Variants in MB21D2 observed in about 807,000 individuals in gnomAD.
MB21D2 encodes the protein Mab-21 domain containing 2, also known as nucleotidyltransferase MB21D2.
In MB21D2, 9 loss-of-function variants were observed where a neutral mutation model predicts 33.3. The observed-to-expected ratio is 0.27, with a 90% CI of 0.16 to 0.47. MB21D2 has a LOEUF of 0.47. Ranked by LOEUF, MB21D2 falls within the 20% of genes least tolerant of loss-of-function variation. MB21D2 has a pLI of 0.99. For synonymous variants in MB21D2, 241 were observed against 236.3 expected, an observed-to-expected ratio of 1.02 and a Z score of -0.18; for missense variants, 540 against 624.6, an observed-to-expected ratio of 0.86 and a Z score of 1.44.
intron 1 of MB21D2, among the ~76,000 whole-genome samples, chr3:192,887,431 C>T (rs868001551): frequency 1.3e-5 from 2 of 152,068 alleles, no homozygotes; most frequent in African/African-American, 2.4e-5. Context: ...AAAATGTGAA[C>T]GTACTTAACA....
chr3:192,814,316 A>T (rs1711859865), intron 1 of MB21D2, among the ~76,000 whole-genome samples: 1 of 152,062 alleles, frequency 6.6e-6, no homozygotes, highest in Non-Finnish European at 1.5e-5. Flanking sequence ...AAAAAAAAAT[A>T]CTGACAGGCT....
chr3:192,870,208 C>A (rs1382455332), intron 1 of MB21D2, among the ~76,000 whole-genome samples: 1 of 152,016 alleles, frequency 6.6e-6, no homozygotes, highest in African/African-American at 2.4e-5. Context: ...ATCCCTAACA[C>A]GGGTCAGGAA....
At chr3:192,901,624 G>A (rs896279468) in intron 1 of MB21D2, among the ~76,000 whole-genome samples, 2 of 152,028 alleles carry the variant, frequency 1.3e-5, no homozygotes, top group African/African-American at 4.8e-5. Context: ...ATATGCCCTC[G>A]GAAAGCAGGA....
intron 1 of MB21D2, among the ~76,000 whole-genome samples, chr3:192,833,559 C>CT (rs1396661169): frequency 1.3e-5 from 2 of 152,182 alleles, no homozygotes; most frequent in Non-Finnish European, 2.9e-5. Flanking sequence ...TAGGACCCTG[C>CT]TGTGAAAAGG....
At chr3:192,848,071 T>C (rs1048979773) in intron 1 of MB21D2, among the ~76,000 whole-genome samples, 19 of 152,218 alleles carry the variant, frequency 1.2e-4, no homozygotes, top group African/African-American at 4.6e-4. Context: ...TTCCATCTGG[T>C]CACATACCCG....
At chr3:192,812,860 T>C (rs1298920021) in intron 1 of MB21D2, among the ~76,000 whole-genome samples, 6 of 107,024 alleles carry the variant, frequency 5.6e-5, no homozygotes, top group Non-Finnish European at 1.2e-4. Context: ...AACCATGTAT[T>C]TTTTCCCTTG....
intron 1 of MB21D2, among the ~76,000 whole-genome samples, chr3:192,856,615 G>A (rs566195983): frequency 2.0e-5 from 3 of 152,122 alleles, no homozygotes; most frequent in African/African-American, 7.2e-5. Flanking sequence ...GTGCAGTGGT[G>A]CAATCTCAGC....
At chr3:192,836,072 G>A (rs1459192260) in intron 1 of MB21D2, among the ~76,000 whole-genome samples, 1 of 152,156 alleles carries the variant, frequency 6.6e-6, no homozygotes, top group East Asian at 1.9e-4. Flanking sequence ...CTGAGTGGAT[G>A]GAACTGGGTT....
chr3:192,879,986 G>A (rs1713524692), intron 1 of MB21D2, among the ~76,000 whole-genome samples: 1 of 152,022 alleles, frequency 6.6e-6, no homozygotes, highest in African/African-American at 2.4e-5. Flanking sequence ...CAGCTCCCAG[G>A]ACTACTCCAG....
chr3:192,840,793 T>C (rs547037145), intron 1 of MB21D2, among the ~76,000 whole-genome samples: 1 of 152,324 alleles, frequency 6.6e-6, no homozygotes, highest in South Asian at 2.1e-4. Context: ...GAGGTTTTAG[T>C]TGGTTAAGAC....
At chr3:192,834,582 C>T (rs1190788042) in intron 1 of MB21D2, among the ~76,000 whole-genome samples, 2 of 151,994 alleles carry the variant, frequency 1.3e-5, no homozygotes, top group Non-Finnish European at 2.9e-5. Flanking sequence ...TCCGACCTTC[C>T]TGAGGTTTCT....
chr3:192,853,348 G>C (rs1577184108), intron 1 of MB21D2, among the ~76,000 whole-genome samples: 2 of 152,148 alleles, frequency 1.3e-5, no homozygotes, highest in African/African-American at 4.8e-5. Flanking sequence ...GTGACAAATG[G>C]TTTTTCACAC....
At chr3:192,869,318 G>GACGGAAAA (rs1713239051) in intron 1 of MB21D2, among the ~76,000 whole-genome samples, 1 of 136,632 alleles carries the variant, frequency 7.3e-6, no homozygotes, top group East Asian at 2.3e-4. Flanking sequence ...AGGAGGGAAG[G>GACGGAAAA]AGGGAAAAAG....
chr3:192,884,660 C>A (rs1292447458), intron 1 of MB21D2, among the ~76,000 whole-genome samples: 2 of 152,036 alleles, frequency 1.3e-5, no homozygotes, highest in Non-Finnish European at 2.9e-5. Context: ...AGCCATCGCA[C>A]CCGGCCAGAG....
intron 1 of MB21D2, among the ~76,000 whole-genome samples, chr3:192,820,805 C>T (rs1016109458): frequency 4.6e-5 from 7 of 152,190 alleles, no homozygotes; most frequent in Non-Finnish European, 8.8e-5. Context: ...CGCTCTGTCA[C>T]CCAGGCTGAA....
chr3:192,830,620 G>C (rs902939414), intron 1 of MB21D2, among the ~76,000 whole-genome samples: 1 of 152,200 alleles, frequency 6.6e-6, no homozygotes, highest in Non-Finnish European at 1.5e-5. Context: ...AAAAGGAGGA[G>C]GCAAGTACAT....
Position 192,884,578 on chromosome 3 carries a change from A to G in MB21D2, c.211+33052T>C, listed in dbSNP as rs192609774. ...GAGACGGGGTTTCACCGTGTTAGCCAGGATGGTCTTGATCTCCTGACCTCG... is the reference window on the plus strand; with the variant it reads ...GAGACGGGGTTTCACCGTGTTAGCCGGGATGGTCTTGATCTCCTGACCTCG... On this transcript the variant is annotated intron_variant, in intron 1 of 1. Coordinates refer to ENST00000392452, the MANE Select transcript of MB21D2 (RefSeq NM_178496.4). Among the ~76,000 whole-genome samples, 1,268 of 152,146 alleles carry G rather than the reference A, an allele frequency of 8.3e-3. 13 individuals carry two copies. The highest frequency in any genetic ancestry group is 0.01 in the Non-Finnish European group (706 of 68,018).
chr3:192,911,322 C>T (rs1334440238), intron 1 of MB21D2, among the ~76,000 whole-genome samples: 2 of 151,862 alleles, frequency 1.3e-5, no homozygotes, highest in Admixed American at 1.3e-4. Flanking sequence ...ACATAGTAAA[C>T]ACCCTTGTCT....
Position 192,915,579 on chromosome 3 carries a change from G to A in MB21D2, c.211+2051C>T, listed in dbSNP as rs116696103. On this transcript the variant is annotated intron_variant, in intron 1 of 1. Transcript: ENST00000392452. ...TGCAGGTGGAAATGCTAAATTCCCAGGGGGCAAGAAAGACTGCTTGCAAGG... is the reference window on the plus strand; with the variant it reads ...TGCAGGTGGAAATGCTAAATTCCCAAGGGGCAAGAAAGACTGCTTGCAAGG... Among the ~76,000 whole-genome samples, 1,011 of 152,248 alleles carry A rather than the reference G, an allele frequency of 6.6e-3. 8 individuals are homozygous for A. The highest frequency in any genetic ancestry group is 0.01 in the Non-Finnish European group (693 of 67,986).
Sources: allele counts gnomAD v4.1 joint callset (sites outside exome capture counted in the v4.1 genomes callset), GRCh38; gene constraint gnomAD v4.1.1; transcripts MANE v1.5; gene names NCBI Gene and HGNC (gene_info 2026-07-23, HGNC 2026-07-21).